The following NINJ2 variants were observed in gnomAD, a reference collection of about 807,000 sequenced individuals.
NINJ2 encodes ninjurin-2.
NINJ2 carries 12 observed loss-of-function variants against 11.7 expected under a neutral mutation model. The observed-to-expected ratio is 1.02, with a 90% CI of 0.66 to 1.66. The LOEUF is 1.66. Ranked by LOEUF, NINJ2 falls within the 40% of genes most tolerant of loss-of-function variation. The probability of loss-of-function intolerance (pLI) is 0.00; values close to 1 mark genes in which losing one functional copy is unlikely to be tolerated. For missense variants in NINJ2, 187 were observed against 181.8 expected, an observed-to-expected ratio of 1.03 and a Z score of -0.16; for synonymous variants, 93 against 76.8, an observed-to-expected ratio of 1.21 and a Z score of -1.10.
chr12:636,398 GATAA>G (rs57956621), intron 1 of NINJ2, among the ~76,000 whole-genome samples: 1 of 150,142 alleles, frequency 6.7e-6, no homozygotes, highest in African/African-American at 2.4e-5. Flanking sequence ...TAAATAAATA[GATAA>G]ATAAATAAAA....
At chr12:652,511 A>T (rs557755644) in intron 1 of NINJ2, among the ~76,000 whole-genome samples, 1 of 152,326 alleles carries the variant, frequency 6.6e-6, no homozygotes, top group East Asian at 1.9e-4. Flanking sequence ...CAGGCAGATC[A>T]CTTGAGGCCA....
At position 585,541 on chromosome 12, in the gene NINJ2, AAGGGAAGGGAACGGTTGGAG is replaced by A. The variant is rs1947624519; in HGVS notation, c.34-19383_34-19364del. On this transcript the variant is annotated intron_variant, in intron 1 of 3. Transcript: ENST00000305108. The surrounding 1 kb of genome is among the most constrained non-coding windows in gnomAD (Gnocchi z 4.1). Reference sequence around the variant, plus strand: ...GGAAGGGAAGGGAACGGTTGGAGGGAAGGGAAGGGAACGGTTGGAGGGAAGGGAGGCTGAGCACAGGCACG... The same window carrying A: ...GGAAGGGAAGGGAACGGTTGGAGGGAGGAAGGGAGGCTGAGCACAGGCACG... Among the ~76,000 whole-genome samples, 1 of 69,892 alleles carries A rather than the reference AAGGGAAGGGAACGGTTGGAG, an allele frequency of 1.4e-5. No homozygotes were observed. Among genetic ancestry groups the A allele is most frequent in the Non-Finnish European group, 3.0e-5 (1 of 32,976 alleles). The allele number at this position is 69,892 out of a possible 152,430, so 45.9% of individuals were successfully genotyped here. A position where few individuals can be genotyped will look rare whatever the true frequency, so the allele number is the denominator to read the frequency against.
intron 1 of NINJ2, among the ~76,000 whole-genome samples, chr12:653,409 T>C (rs1937825013): frequency 6.6e-6 from 1 of 152,216 alleles, no homozygotes; most frequent in Non-Finnish European, 1.5e-5. Flanking sequence ...ATATGTTTTA[T>C]GATGTATACA....
At chr12:595,202 A>G (rs1008662950) in intron 1 of NINJ2, among the ~76,000 whole-genome samples, 13 of 152,262 alleles carry the variant, frequency 8.5e-5, no homozygotes, top group African/African-American at 3.1e-4. Context: ...AAAATGGATC[A>G]TAGATCTGCA....
chr12:635,642 C>T (rs896404926), intron 1 of NINJ2, among the ~76,000 whole-genome samples: 3 of 152,034 alleles, frequency 2.0e-5, no homozygotes, highest in Non-Finnish European at 4.4e-5. Flanking sequence ...CAAGAAAACA[C>T]GGGGAAAAAT....
At chr12:625,656 T>C (rs901572965) in intron 1 of NINJ2, among the ~76,000 whole-genome samples, 2 of 152,174 alleles carry the variant, frequency 1.3e-5, no homozygotes, top group African/African-American at 4.8e-5. Flanking sequence ...GGACCTCTCA[T>C]GGACGGTACA....
intron 1 of NINJ2, among the ~76,000 whole-genome samples, chr12:572,303 G>A (rs1205900403): frequency 6.6e-6 from 1 of 152,232 alleles, no homozygotes; most frequent in Non-Finnish European, 1.5e-5. Context: ...GGAGCTTCCT[G>A]TGTGCCAGCG....
At chr12:629,896 A>AAAAAAAAAAAAAAAATATATAT in intron 1 of NINJ2, among the ~76,000 whole-genome samples, 7 of 9,890 alleles carry the variant, frequency 7.1e-4, no homozygotes, top group Non-Finnish European at 2.4e-3. Context: ...AAAAAAAAAA[A>AAAAAAAAAAAAAAAATATATAT]ATATATATAT....
chr12:601,439 AGG>A (rs1279825981), intron 1 of NINJ2, among the ~76,000 whole-genome samples: 1 of 150,496 alleles, frequency 6.6e-6, no homozygotes. Flanking sequence ...TCCCAGCTAC[AGG>A]GGAGGCTGAG....
intron 1 of NINJ2, among the ~76,000 whole-genome samples, chr12:595,030 CATAA>C (rs1360473371): frequency 1.3e-5 from 2 of 152,112 alleles, no homozygotes; most frequent in East Asian, 3.9e-4. Context: ...AATAGACCCA[CATAA>C]ATAGAGTCAA....
In NINJ2 at chr12:650,653, C is replaced by T. The variant is rs886838313; in HGVS notation, c.33+12675G>A. 3.3e-5 allele frequency among the ~76,000 whole-genome samples: 5 copies of T among 152,046 alleles called. No homozygotes were observed. The East Asian group carries it at 5.8e-4, about 18-fold the overall frequency. On this transcript the variant is annotated intron_variant, in intron 1 of 3. Coordinates refer to ENST00000305108, the MANE Select transcript of NINJ2 (RefSeq NM_016533.6). The stretch of plus-strand genomic sequence containing the variant: ...GGCGGAGGTTGTGGTGAGCCGAGTT[C>T]GCGCCACTGCACTCCAGCCTGGGCA...
At chr12:639,487 T>C (rs1356424014) in intron 1 of NINJ2, among the ~76,000 whole-genome samples, 2 of 48,264 alleles carry the variant, frequency 4.1e-5, no homozygotes, top group Non-Finnish European at 1.1e-4. Flanking sequence ...TGCTCTTCTT[T>C]TTTTCTATTT....
chr12:576,924 T>G (rs1304478655), intron 1 of NINJ2, among the ~76,000 whole-genome samples: 1 of 152,172 alleles, frequency 6.6e-6, no homozygotes, highest in East Asian at 1.9e-4. Flanking sequence ...TGTGAGGTTC[T>G]CAGAGACATT....
In NINJ2 at chr12:581,832, CA is replaced by C. The variant is rs956158670; in HGVS notation, c.34-15655del. ...ATAGGTGAGCTGCTGCCAAACTCAGCAAAACCCTCAGCAAAAGTCAATGTAA... is the reference window on the plus strand; with the variant it reads ...ATAGGTGAGCTGCTGCCAAACTCAGCAAACCCTCAGCAAAAGTCAATGTAA... On this transcript the variant is annotated intron_variant, in intron 1 of 3. Transcript: ENST00000305108. This position sits in a 1 kb window ranked among gnomAD's most constrained non-coding sequence, Gnocchi z 4.9. 2.6e-4 allele frequency among the ~76,000 whole-genome samples: 39 copies of C among 152,284 alleles called. No individual in the cohort carries two copies. Among genetic ancestry groups the C allele is most frequent in the African/African-American group, 8.2e-4 (34 of 41,546 alleles).
rs1947617167 is a variant in NINJ2, at chr12:585,323, G to A, written c.34-19145C>T. On this transcript the variant is annotated intron_variant, in intron 1 of 3. Transcript: ENST00000305108. This position sits in a 1 kb window ranked among gnomAD's most constrained non-coding sequence, Gnocchi z 4.1. Reference sequence around the variant, plus strand: ...CAGATGGTAGAACTGCCCATGCCAAGAGGGGTCCATACCAACTTCCGGAAT... The same window carrying A: ...CAGATGGTAGAACTGCCCATGCCAAAAGGGGTCCATACCAACTTCCGGAAT... Among the ~76,000 whole-genome samples the A allele has an allele frequency of 6.6e-6, 1 of 152,202 alleles. No homozygotes were observed. Among genetic ancestry groups the A allele is most frequent in the Non-Finnish European group, 1.5e-5 (1 of 68,038 alleles).
At chr12:661,203 C>T (rs954250178) in intron 1 of NINJ2, among the ~76,000 whole-genome samples, 26 of 152,116 alleles carry the variant, frequency 1.7e-4, no homozygotes, top group African/African-American at 4.1e-4. Context: ...CTCAGCCTCC[C>T]GAGTAGTGGG....
chr12:653,546 A>C (rs973799233), intron 1 of NINJ2, among the ~76,000 whole-genome samples: 2 of 152,182 alleles, frequency 1.3e-5, no homozygotes, highest in African/African-American at 2.4e-5. Context: ...GTATAGTGTT[A>C]TTTGAAAGTG....
At chr12:654,819 G>A (rs182068846) in intron 1 of NINJ2, among the ~76,000 whole-genome samples, 32 of 151,656 alleles carry the variant, frequency 2.1e-4, no homozygotes, top group Admixed American at 2.0e-3. Context: ...TTGAACCTGG[G>A]AGGTGGAGGT....
intron 1 of NINJ2, among the ~76,000 whole-genome samples, chr12:648,106 CTT>C (rs1159381527): frequency 5.3e-5 from 8 of 152,132 alleles, no homozygotes; most frequent in African/African-American, 1.7e-4. Flanking sequence ...GAATTTCACT[CTT>C]GTCACCCAGG....
Sources: gnomAD v4.1 joint callset for allele counts (sites outside exome capture counted in the v4.1 genomes callset) on GRCh38, gnomAD v4.1.1 for gene constraint, Gnocchi (gnomAD v3.1) non-coding constraint, MANE v1.5 for transcripts, NCBI Gene and HGNC (gene_info 2026-07-23, HGNC 2026-07-21) for gene names.